The following ZFHX3 variants were observed in gnomAD, a reference collection of about 807,000 sequenced individuals.
ZFHX3 encodes zinc finger homeobox protein 3.
ZFHX3 carries 42 observed loss-of-function variants against 279.1 expected under a neutral mutation model. The ratio of observed to expected loss-of-function variants is 0.15; its 90% CI spans 0.12 to 0.19. The LOEUF is 0.19. Among genes scored for constraint, ZFHX3 ranks in the 10% least tolerant of loss-of-function variants. The probability of loss-of-function intolerance (pLI) is 1.00; values close to 1 mark genes in which losing one functional copy is unlikely to be tolerated. For missense variants in ZFHX3, 4,981 were observed against 4,754.0 expected (o/e 1.05, Z -1.40); for synonymous variants, 2,293 against 1,957.8 (o/e 1.17, Z -4.52).
chr16:73,695,122 C>T (rs2053185242), intron 1 of ZFHX3, among the ~76,000 whole-genome samples: 1 of 152,180 alleles, frequency 6.6e-6, no homozygotes, highest in Non-Finnish European at 1.5e-5. Flanking sequence ...TCCTATACCC[C>T]GATGGGGTGG....
intron 5 of ZFHX3, among the ~76,000 whole-genome samples, chr16:73,219,517 A>G (rs555484023): frequency 6.6e-6 from 1 of 152,342 alleles, no homozygotes; most frequent in East Asian, 1.9e-4. Flanking sequence ...CTGGGGCAGG[A>G]TAATACTGAG....
At chr16:73,834,863 C>T (rs1261420972) in intron 1 of ZFHX3, among the ~76,000 whole-genome samples, 1 of 152,066 alleles carries the variant, frequency 6.6e-6, no homozygotes, top group Non-Finnish European at 1.5e-5. Context: ...GCATTCCAGC[C>T]TGGCGACAGT....
intron 1 of ZFHX3, among the ~76,000 whole-genome samples, chr16:73,768,089 C>T (rs922138646): frequency 5.3e-5 from 8 of 152,162 alleles, no homozygotes; most frequent in Non-Finnish European, 1.2e-4. Context: ...CAAAGTGATG[C>T]TACCAACCCT....
upstream of ZFHX3, among the ~76,000 whole-genome samples, chr16:73,049,101 A>C (rs1965402244): frequency 6.6e-6 from 1 of 152,096 alleles, no homozygotes; most frequent in Non-Finnish European, 1.5e-5. Context: ...CAGTTGGTCA[A>C]AGCGATTGCT....
chr16:73,744,848 T>C (rs376851910), intron 1 of ZFHX3, among the ~76,000 whole-genome samples: 3 of 152,298 alleles, frequency 2.0e-5, no homozygotes, highest in African/African-American at 7.2e-5. Flanking sequence ...ACCCATGAAA[T>C]AGTGCAGCAG....
At chr16:73,814,288 C>A (rs529002880) in intron 1 of ZFHX3, among the ~76,000 whole-genome samples, 4 of 152,172 alleles carry the variant, frequency 2.6e-5, no homozygotes, top group Non-Finnish European at 5.9e-5. Flanking sequence ...CTCTTTCTTA[C>A]TGTAAAGCCA....
At chr16:73,125,753 G>A (rs111291951) in intron 7 of ZFHX3, among the ~76,000 whole-genome samples, 5,328 of 151,984 alleles carry the variant, frequency 0.035, 297 homozygotes, top group African/African-American at 0.12. Context: ...AGCTGTGATC[G>A]TGTGAGTTAA....
At chr16:73,232,674 C>T (rs1223582702) in intron 5 of ZFHX3, 2 of 152,106 alleles carry the variant, frequency 1.3e-5, no homozygotes, top group Non-Finnish European at 2.9e-5. Context: ...TTTGGTATCT[C>T]CTACGTAAGA....
chr16:73,548,533 T>C (rs1398347715), intron 2 of ZFHX3, among the ~76,000 whole-genome samples: 1 of 152,038 alleles, frequency 6.6e-6, no homozygotes, highest in African/African-American at 2.4e-5. Context: ...AGGAAGACAT[T>C]CATCTGTTAT....
intron 1 of ZFHX3, among the ~76,000 whole-genome samples, chr16:73,711,970 G>T (rs2053367518): frequency 6.6e-6 from 1 of 152,202 alleles, no homozygotes. Context: ...AACAGCCCAG[G>T]CAGGAAAGAA....
chr16:73,137,939 A>G (rs547018868), intron 6 of ZFHX3, among the ~76,000 whole-genome samples: 141 of 152,198 alleles, frequency 9.3e-4, no homozygotes, highest in African/African-American at 3.2e-3. Context: ...TGATCTTGCT[A>G]TGACTTTGCC....
chr16:73,333,180 G>GATAGACACATAGATGGATAGACAC (rs2015839480), intron 3 of ZFHX3, among the ~76,000 whole-genome samples: 1 of 152,110 alleles, frequency 6.6e-6, no homozygotes, highest in Non-Finnish European at 1.5e-5. Context: ...TAGTTACATA[G>GATAGACACATAGATGGATAGACAC]ATAGACACAT....
chr16:73,567,323 G>A (rs1180814547), intron 2 of ZFHX3, among the ~76,000 whole-genome samples: 3 of 151,904 alleles, frequency 2.0e-5, no homozygotes, highest in Non-Finnish European at 4.4e-5. Flanking sequence ...ATGAATTCTG[G>A]GGAAACACTG....
chr16:72,901,077 A>G (rs116485058), intron 3 of ZFHX3, among the ~76,000 whole-genome samples: 12 of 151,136 alleles, frequency 7.9e-5, no homozygotes, highest in African/African-American at 2.6e-4. Context: ...GATACTTCAT[A>G]AAAGTCAGAA....
chr16:73,303,305 G>T (rs1338614804), intron 4 of ZFHX3, among the ~76,000 whole-genome samples: 2 of 152,136 alleles, frequency 1.3e-5, no homozygotes, highest in Non-Finnish European at 2.9e-5. Flanking sequence ...TGGAATTACA[G>T]GTATGAGCCA....
At chr16:73,832,225 A>G (rs1291787724) in intron 1 of ZFHX3, among the ~76,000 whole-genome samples, 2 of 148,702 alleles carry the variant, frequency 1.3e-5, no homozygotes, top group African/African-American at 5.0e-5. Context: ...TTTCTTTTGC[A>G]TTCTTGAAGC....
At chr16:73,888,828 A>AG in intron 1 of ZFHX3, among the ~76,000 whole-genome samples, 1 of 152,150 alleles carries the variant, frequency 6.6e-6, no homozygotes, top group South Asian at 2.1e-4. Context: ...GGTCTAGTTA[A>AG]GGTGCAGACA....
chr16:73,447,508 G>T (rs1469423502), intron 3 of ZFHX3, among the ~76,000 whole-genome samples: 3 of 152,130 alleles, frequency 2.0e-5, no homozygotes, highest in Non-Finnish European at 4.4e-5. Flanking sequence ...GTGGAGTCAG[G>T]AACATAATTT....
chr16:73,171,453 T>C (rs943630419), intron 5 of ZFHX3, among the ~76,000 whole-genome samples: 6 of 119,592 alleles, frequency 5.0e-5, no homozygotes, highest in African/African-American at 1.9e-4. Context: ...AATGTGTAAA[T>C]CCACAGTTGT....
Sources: gnomAD v4.1 joint callset for allele counts (sites outside exome capture counted in the v4.1 genomes callset) on GRCh38, gnomAD v4.1.1 for gene constraint, MANE v1.5 for transcripts, NCBI Gene and HGNC (gene_info 2026-07-23, HGNC 2026-07-21) for gene names.